Variants in PTH1R observed in about 807,000 individuals in gnomAD.
The protein encoded by PTH1R is parathyroid hormone 1 receptor.
Under a neutral mutation model 70.7 loss-of-function variants are expected in PTH1R, and 32 were observed. The ratio of observed to expected loss-of-function variants is 0.45; its 90% CI spans 0.34 to 0.61. The LOEUF is 0.61. Ranked by LOEUF, PTH1R falls within the 20% of genes least tolerant of loss-of-function variation. The pLI is 0.01. For synonymous variants in PTH1R, 329 were observed against 324.8 expected, an observed-to-expected ratio of 1.01 and a Z score of -0.14; for missense variants, 626 against 792.5, an observed-to-expected ratio of 0.79 and a Z score of 2.52.
chr3:46,903,017 C>T lies in PTH1R; in HGVS notation c.1395+227C>T. On this transcript the variant is annotated intron_variant, in intron 15 of 15. Coordinates refer to ENST00000449590, the MANE Select transcript of PTH1R (RefSeq NM_000316.3). This position sits in a 1 kb window ranked among gnomAD's most constrained non-coding sequence, Gnocchi z 4.4. ...GCATAGCCAAGTGTCTTCCCAGCCC[C>T]ATGGTTCAATTATCTGTGACCCAGA... 1 of 963,056 alleles carries T rather than the reference C, an allele frequency of 1.0e-6. No individual in the cohort carries two copies. Among genetic ancestry groups the T allele is most frequent in the African/African-American group, 1.6e-5 (1 of 61,924 alleles). The allele number at this position is 963,056 out of a possible 1,614,324, so 59.7% of individuals were successfully genotyped here. A position where few individuals can be genotyped will look rare whatever the true frequency, so the allele number is the denominator to read the frequency against.
In PTH1R at chr3:46,899,438, T is replaced by C; in HGVS notation, c.970T>C (p.Phe324Leu). ...FFSEKKYLWG[F>L]TVFGWGLPAV... ...CTCAGAGAAGAAGTACCTGTGGGGC[T>C]TCACAGTCTTCGGCTGGGGTACGCG... Residue 324 changes from phenylalanine (F) to leucine (L), a missense_variant, in exon 10 of 16, where the codon TTC becomes CTC. This residue lies in a region of PTH1R where 495 missense variants were observed against 638.7 expected (regional missense o/e 0.77). Transcript: ENST00000449590. 6.2e-7 allele frequency: 1 copy of C among 1,612,518 alleles called. No individual in the cohort carries two copies. Among genetic ancestry groups the C allele is most frequent in the Non-Finnish European group, 8.5e-7 (1 of 1,179,644 alleles).
intron 2 of PTH1R, among the ~76,000 whole-genome samples, chr3:46,881,539 G>A (rs1026513973): frequency 6.6e-6 from 1 of 152,194 alleles, no homozygotes; most frequent in African/African-American, 2.4e-5. Flanking sequence ...GGCTGGGCAA[G>A]CTGGAGAGGC....
chr3:46,888,854 G>A (rs1325318120), intron 3 of PTH1R, among the ~76,000 whole-genome samples: 1 of 152,234 alleles, frequency 6.6e-6, no homozygotes, highest in East Asian at 1.9e-4. Flanking sequence ...TGCCCCGAAG[G>A]CGGCCACGCT....
In PTH1R at chr3:46,901,854, A is replaced by G; in HGVS notation, c.1205A>G (p.Gln402Arg). 6.8e-6 allele frequency: 11 copies of G among 1,613,386 alleles called. No homozygotes were observed. Among genetic ancestry groups the G allele is most frequent in the Non-Finnish European group, 9.3e-6 (11 of 1,179,604 alleles). The part of the protein sequence containing the change: ...TNAGRCDTRQ[Q>R]YRKLLKSTLV... ...GCCGGCCGGTGTGACACACGGCAGC[A>G]GTACCGGTGAGCCCACCATGCCTGC... The change falls in exon 13 of 16, where the codon CAG (glutamine) becomes CGG (arginine). Residue 402 changes from glutamine (Q) to arginine (R), a missense_variant. Physicochemically the swap from Gln to Arg is conservative, Grantham distance 43 (BLOSUM62 1). This residue lies in a region of PTH1R where 495 missense variants were observed against 638.7 expected (regional missense o/e 0.77). Coordinates refer to ENST00000449590, the MANE Select transcript of PTH1R (RefSeq NM_000316.3). This position sits in a 1 kb window ranked among gnomAD's most constrained non-coding sequence, Gnocchi z 7.3.
chr3:46,890,119 T>C (rs1402405943), intron 3 of PTH1R, among the ~76,000 whole-genome samples: 2 of 152,130 alleles, frequency 1.3e-5, no homozygotes, highest in Admixed American at 6.5e-5. Flanking sequence ...TGAATCCTAA[T>C]GTAAGTCCAG....
rs779171349 is a variant in PTH1R at position 46,901,836 on chromosome 3, G to C, written c.1187G>C (p.Arg396Pro). Residue 396 changes from arginine to proline, a missense_variant, in exon 13 of 16, where the codon CGG becomes CCG. By Grantham distance (103) the Arg-to-Pro change is moderately radical. Coordinates refer to ENST00000449590, the MANE Select transcript of PTH1R (RefSeq NM_000316.3). This position sits in a 1 kb window ranked among gnomAD's most constrained non-coding sequence, Gnocchi z 7.3. The stretch of plus-strand genomic sequence containing the variant: ...AAGCTGCGGGAGACCAACGCCGGCC[G>C]GTGTGACACACGGCAGCAGTACCGG... The part of the protein sequence containing the change: ...ATKLRETNAG[R>P]CDTRQQYRKL... The C allele has an allele frequency of 6.2e-7, 1 of 1,613,860 alleles. No homozygotes were observed. The highest frequency in any genetic ancestry group is 1.3e-5 in the African/African-American group (1 of 75,036).
In PTH1R at chr3:46,898,149, A is replaced by T. The variant is rs753083940; in HGVS notation, c.500A>T (p.Tyr167Phe). ...GGGCACAACAGGACGTGGGCCAACT[A>T]CAGCGAGTGTGTCAAATTTCTCACC... ...VPGHNRTWAN[Y>F]SECVKFLTNE... The change falls in exon 7 of 16, where the codon TAC becomes TTC. Residue 167 changes from tyrosine (Y) to phenylalanine (F), a missense_variant. By Grantham distance (22) the Tyr-to-Phe change is conservative. This residue lies in a region of PTH1R where 495 missense variants were observed against 638.7 expected (regional missense o/e 0.77). Transcript: ENST00000449590. 1.2e-6 allele frequency: 2 copies of T among 1,614,180 alleles called. No individual in the cohort carries two copies. The highest frequency in any genetic ancestry group is 1.7e-5 in the Admixed American group (1 of 60,032).
chr3:46,880,538 G>C (rs187559735), intron 1 of PTH1R, among the ~76,000 whole-genome samples: 1 of 152,126 alleles, frequency 6.6e-6, no homozygotes, highest in Non-Finnish European at 1.5e-5. Context: ...TCAGGGGTTC[G>C]TGACCAGCCT....
At position 46,901,966 on chromosome 3, in the gene PTH1R, G is replaced by A; in HGVS notation, c.1211+106G>A. 4 of 1,232,648 alleles carry A rather than the reference G, an allele frequency of 3.2e-6. No homozygotes were observed. Among genetic ancestry groups the A allele is most frequent in the Non-Finnish European group, 4.7e-6 (4 of 856,894 alleles). 76.4% of individuals were successfully genotyped at this position (1,232,648 alleles called of 1,614,324 possible). ...GCCCCATGAATGATCCTGGGGCAAG[G>A]GAAAGGACCCAGCGTCTGACTCCCT... On this transcript the variant is annotated intron_variant, in intron 13 of 15. Coordinates refer to ENST00000449590, the MANE Select transcript of PTH1R (RefSeq NM_000316.3). This position sits in a 1 kb window ranked among gnomAD's most constrained non-coding sequence, Gnocchi z 7.3.
At chr3:46,888,477 C>A (rs1317918245) in intron 3 of PTH1R, among the ~76,000 whole-genome samples, 1 of 152,176 alleles carries the variant, frequency 6.6e-6, no homozygotes, top group Non-Finnish European at 1.5e-5. Flanking sequence ...CCTGGTCCAG[C>A]CACCACATCA....
chr3:46,886,519 A>G (rs1437118770), intron 3 of PTH1R, among the ~76,000 whole-genome samples: 5 of 152,006 alleles, frequency 3.3e-5, no homozygotes, highest in South Asian at 2.1e-4. Context: ...CACCATGCCC[A>G]GCTAATTTTT....
rs2032099395 is a variant in PTH1R at position 46,901,300 on chromosome 3, C to T, written c.1050-114C>T. On this transcript the variant is annotated intron_variant, in intron 11 of 15. Transcript: ENST00000449590. This position sits in a 1 kb window ranked among gnomAD's most constrained non-coding sequence, Gnocchi z 7.3. ...GCCTCAGGCCTGGCCACACCCAGCA[C>T]CCCTGCCCTGTGTCCTCAACAGCTA... 7.2e-7 allele frequency: 1 copy of T among 1,392,956 alleles called. No individual in the cohort carries two copies. Among genetic ancestry groups the T allele is most frequent in the East Asian group, 2.5e-5 (1 of 40,176 alleles). The allele number at this position is 1,392,956 out of a possible 1,614,324, so 86.3% of individuals were successfully genotyped here.
Position 46,892,773 on chromosome 3 carries a change from G to T in PTH1R, c.76-1134G>T. ...CGGCCCCGCCTTGGCGCGTCTGAAG[G>T]ATGCAGCTCTGCCGCGGAGCTGAGG... On this transcript the variant is annotated intron_variant, in intron 3 of 15. Coordinates refer to ENST00000449590, the MANE Select transcript of PTH1R (RefSeq NM_000316.3). This position sits in a 1 kb window ranked among gnomAD's most constrained non-coding sequence, Gnocchi z 5.2. 1 of 985,764 alleles carries T rather than the reference G, an allele frequency of 1.0e-6. No homozygotes were observed. The allele number at this position is 985,764 out of a possible 1,614,324, so 61.1% of individuals were successfully genotyped here. A position where few individuals can be genotyped will look rare whatever the true frequency, so the allele number is the denominator to read the frequency against.
rs1195515664 is a variant in PTH1R, at chr3:46,902,329, C to T, written c.1212-197C>T. ...TCATTTGAAGTCCGCTCCGGGACAC[C>T]GCTGAGAACCAACGGGCCCTATTAG... On this transcript the variant is annotated intron_variant, in intron 13 of 15. Coordinates refer to ENST00000449590, the MANE Select transcript of PTH1R (RefSeq NM_000316.3). This position sits in a 1 kb window ranked among gnomAD's most constrained non-coding sequence, Gnocchi z 5.4. Among the ~76,000 whole-genome samples, 1 of 152,136 alleles carries T rather than the reference C, an allele frequency of 6.6e-6. No homozygotes were observed. The highest frequency in any genetic ancestry group is 1.5e-5 in the Non-Finnish European group (1 of 68,014).
rs1431496330 is a variant in PTH1R at position 46,884,935 on chromosome 3, C to A, written c.75+1301C>A. Among the ~76,000 whole-genome samples the A allele has an allele frequency of 3.3e-5, 5 of 152,150 alleles. No individual in the cohort carries two copies. Among genetic ancestry groups the A allele is most frequent in the African/African-American group, 4.8e-5 (2 of 41,418 alleles). ...TGTGCCTACACCCTCACAATTCTGG[C>A]CCCAGCAAAGGCTCCCCACCAAAGA... On this transcript the variant is annotated intron_variant, in intron 3 of 15. Transcript: ENST00000449590. The surrounding 1 kb of genome is among the most constrained non-coding windows in gnomAD (Gnocchi z 4.8).
chr3:46,893,808 C>T lies in PTH1R; in HGVS notation c.76-99C>T. 8.9e-7 allele frequency: 1 copy of T among 1,126,748 alleles called. No homozygotes were observed. The highest frequency in any genetic ancestry group is 1.3e-5 in the South Asian group (1 of 75,880). 69.8% of individuals were successfully genotyped at this position (1,126,748 alleles called of 1,614,324 possible). A position where few individuals can be genotyped will look rare whatever the true frequency, so the allele number is the denominator to read the frequency against. ...CCCACCTTCCCTCTAGAGTCAGGGC[C>T]TTTTGAAAGGGGGTAGTCCCTCTGG... On this transcript the variant is annotated intron_variant, in intron 3 of 15. Transcript: ENST00000449590. The surrounding 1 kb of genome is among the most constrained non-coding windows in gnomAD (Gnocchi z 5.2).
At chr3:46,894,138 C>A in intron 4 of PTH1R, 129 bp downstream of exon 4, 1 of 931,372 alleles carries the variant, frequency 1.1e-6, no homozygotes, top group African/African-American at 1.6e-5. Flanking sequence ...GGGGGCCAGG[C>A]CAAAGTGAGA....
chr3:46,881,809 G>C (rs1376696011), intron 2 of PTH1R, among the ~76,000 whole-genome samples: 1 of 152,132 alleles, frequency 6.6e-6, no homozygotes, highest in Non-Finnish European at 1.5e-5. Flanking sequence ...GACCCGGCCC[G>C]AACGGGAGCC....
chr3:46,878,576 A>C (rs1473385), intron 1 of PTH1R, among the ~76,000 whole-genome samples: 11,412 of 152,162 alleles, frequency 0.075, 1,476 homozygotes, highest in African/African-American at 0.26. Flanking sequence ...TCAGAAATAG[A>C]TGTGAGCCAT....
Sources: gnomAD v4.1 joint callset for allele counts (sites outside exome capture counted in the v4.1 genomes callset) on GRCh38, gnomAD v4.1.1 for gene constraint, gnomAD v4.1.1 regional missense constraint, Gnocchi (gnomAD v3.1) non-coding constraint, MANE v1.5 for transcripts, NCBI Gene and HGNC (gene_info 2026-07-23, HGNC 2026-07-21) for gene names.